Variants in ATP9A observed in about 807,000 individuals in gnomAD.
ATP9A encodes probable phospholipid-transporting ATPase IIA.
A neutral mutation model predicts 144.1 loss-of-function variants in ATP9A; 52 were observed. That is an observed-to-expected ratio of 0.36 (90% CI 0.29 to 0.45). The LOEUF (loss-of-function observed/expected upper bound fraction) is 0.45, where lower values mean the gene tolerates loss of function less well. Ranked by LOEUF, ATP9A falls within the 20% of genes least tolerant of loss-of-function variation. The pLI is 1.00. For missense variants in ATP9A, 947 were observed against 1,392.7 expected, an observed-to-expected ratio of 0.68 and a Z score of 5.09; for synonymous variants, 582 against 557.4, an observed-to-expected ratio of 1.04 and a Z score of -0.62.
intron 5 of ATP9A, among the ~76,000 whole-genome samples, chr20:51,697,196 T>C (rs1448413083): frequency 6.6e-6 from 1 of 152,202 alleles, no homozygotes; most frequent in Non-Finnish European, 1.5e-5. Flanking sequence ...GTAAGCAGGA[T>C]TTCTGGCTAA....
intron 1 of ATP9A, among the ~76,000 whole-genome samples, chr20:51,757,571 C>T (rs992569261): frequency 3.9e-5 from 6 of 152,206 alleles, no homozygotes; most frequent in African/African-American, 1.4e-4. Flanking sequence ...CCTCTTCCAA[C>T]TGTCTTCCCC....
chr20:51,596,781 C>A lies in ATP9A; in HGVS notation c.*4430G>T, dbSNP rs1335380939. ...ATTAAAATAATCCCCCAAGGCAGAA[C>A]GTACACAAGCTTTATTGGGCAACAG... On this transcript the variant is annotated 3_prime_UTR_variant, in exon 28 of 28. Coordinates refer to ENST00000338821, the MANE Select transcript of ATP9A (RefSeq NM_006045.3). The A allele has an allele frequency of 6.6e-6, 1 of 152,148 alleles. No homozygotes were observed. The highest frequency in any genetic ancestry group is 2.4e-5 in the African/African-American group (1 of 41,404). The allele number at this position is 152,148 out of a possible 1,614,324, so 9.4% of individuals were successfully genotyped here.
intron 15 of ATP9A, among the ~76,000 whole-genome samples, chr20:51,637,799 T>TC (rs1189031664): frequency 6.6e-6 from 1 of 151,024 alleles, no homozygotes; most frequent in African/African-American, 2.4e-5. Context: ...CGTGCACCCA[T>TC]CACCTGAGCA....
chr20:51,657,892 T>C (rs1349359533), intron 13 of ATP9A, among the ~76,000 whole-genome samples: 1 of 152,158 alleles, frequency 6.6e-6, no homozygotes, highest in African/African-American at 2.4e-5. Context: ...GTGCTCAAGT[T>C]TTGCCTTGCA....
intron 12 of ATP9A, among the ~76,000 whole-genome samples, chr20:51,670,862 C>T (rs1362887554): frequency 6.6e-6 from 1 of 152,176 alleles, no homozygotes; most frequent in East Asian, 1.9e-4. Flanking sequence ...GGGACAGAAA[C>T]ACTACCTAAC....
chr20:51,619,335 G>A (rs970188124), intron 19 of ATP9A, among the ~76,000 whole-genome samples: 6 of 152,074 alleles, frequency 3.9e-5, no homozygotes, highest in East Asian at 3.9e-4. Context: ...AGGCTGAGGC[G>A]GGCAGATCAC....
At chr20:51,663,424 C>T (rs1053432139) in intron 13 of ATP9A, among the ~76,000 whole-genome samples, 3 of 139,290 alleles carry the variant, frequency 2.2e-5, no homozygotes, top group Non-Finnish European at 4.7e-5. Flanking sequence ...TTCATAAATA[C>T]CAGAAAGTTT....
chr20:51,637,969 T>C (rs2077299967), intron 15 of ATP9A, among the ~76,000 whole-genome samples: 1 of 149,616 alleles, frequency 6.7e-6, no homozygotes, highest in Admixed American at 6.7e-5. Context: ...TGGCTTTCCA[T>C]TCCTGAGTTA....
intron 14 of ATP9A, among the ~76,000 whole-genome samples, chr20:51,653,049 G>A (rs1601083647): frequency 6.6e-6 from 1 of 150,788 alleles, no homozygotes; most frequent in African/African-American, 2.4e-5. Flanking sequence ...GGCAGAGCTT[G>A]CAGTGAGCCG....
chr20:51,618,202 G>A (rs1188173203), intron 21 of ATP9A, among the ~76,000 whole-genome samples: 1 of 150,210 alleles, frequency 6.7e-6, no homozygotes, highest in Non-Finnish European at 1.5e-5. Context: ...CTGGGCAACA[G>A]AGTGTGACTC....
At chr20:51,714,219 G>A (rs927840552) in intron 3 of ATP9A, among the ~76,000 whole-genome samples, 12 of 151,132 alleles carry the variant, frequency 7.9e-5, no homozygotes, top group African/African-American at 2.9e-4. Context: ...GTCTCGCTCT[G>A]TCACCCAGGC....
intron 11 of ATP9A, among the ~76,000 whole-genome samples, chr20:51,673,473 A>C (rs542786585): frequency 6.6e-6 from 1 of 152,328 alleles, no homozygotes; most frequent in South Asian, 2.1e-4. Context: ...CACCTACAGC[A>C]GACACTGCTG....
chr20:51,768,355 G>C lies in ATP9A; in HGVS notation c.15C>G (p.Ile5Met). The C allele has an allele frequency of 2.3e-6, 3 of 1,290,576 alleles. No homozygotes were observed. The highest frequency in any genetic ancestry group is 3.0e-6 in the Non-Finnish European group (3 of 1,008,824). The allele number at this position is 1,290,576 out of a possible 1,614,324, so 79.9% of individuals were successfully genotyped here. A position where few individuals can be genotyped will look rare whatever the true frequency, so the allele number is the denominator to read the frequency against. Reference protein sequence around the residue: MTDNIPLQPVRQKKR... With the variant: MTDNMPLQPVRQKKR... ...TCTTCTGGCGCACCGGCTGCAGCGG[G>C]ATGTTGTCCGTCATGTCGGCGGCGC... Residue 5 changes from isoleucine to methionine, a missense_variant, in exon 1 of 28, where the codon ATC (isoleucine) becomes ATG (methionine). Transcript: ENST00000338821.
At chr20:51,671,288 C>A in intron 11 of ATP9A, 31 bp from the exon 12 acceptor site, 2 of 1,606,942 alleles carry the variant, frequency 1.2e-6, no homozygotes, top group Non-Finnish European at 1.7e-6. Context: ...AACAGGCTAA[C>A]AGGACAGATG....
chr20:51,671,752 C>A (rs1299020543), intron 11 of ATP9A, among the ~76,000 whole-genome samples: 1 of 152,118 alleles, frequency 6.6e-6, no homozygotes, highest in East Asian at 1.9e-4. Context: ...AACCCTAGCC[C>A]TGGCAGCCCC....
At chr20:51,625,066 G>T in intron 18 of ATP9A, 126 bp downstream of exon 18, 1 of 751,742 alleles carries the variant, frequency 1.3e-6, no homozygotes, top group Non-Finnish European at 2.0e-6. Flanking sequence ...GTGGCCCATT[G>T]CAGATAAGGC....
intron 24 of ATP9A, among the ~76,000 whole-genome samples, 186 bp from the exon 25 acceptor site, chr20:51,608,812 G>A (rs2077173816): frequency 6.6e-6 from 1 of 152,172 alleles, no homozygotes; most frequent in Non-Finnish European, 1.5e-5. Flanking sequence ...TGTCTGCCCT[G>A]AAGAGCTTTC....
At position 51,763,679 on chromosome 20, in the gene ATP9A, G is replaced by A. The variant is rs76068663; in HGVS notation, c.68+4623C>T. Among the ~76,000 whole-genome samples the A allele has an allele frequency of 6.1e-3, 921 of 152,228 alleles. 8 individuals carry two copies. Among genetic ancestry groups the A allele is most frequent in the African/African-American group, 0.02 (818 of 41,534 alleles). ...CTTCAATAAAGCTGTTTAAAACATT[G>A]TGGTAGACAACATATCTATTCAGTT... On this transcript the variant is annotated intron_variant, in intron 1 of 27. Coordinates refer to ENST00000338821, the MANE Select transcript of ATP9A (RefSeq NM_006045.3).
chr20:51,747,631 A>C lies in ATP9A; in HGVS notation c.69-17653T>G, dbSNP rs1414577867. ...ACACCTCCTCTGCCCCATGACTGTT[A>C]CCACAGGTGCTTCCAGCAGATGGGC... On this transcript the variant is annotated intron_variant, in intron 1 of 27. Transcript: ENST00000338821. Among the ~76,000 whole-genome samples the C allele has an allele frequency of 2.0e-5, 3 of 152,318 alleles. No individual in the cohort carries two copies. In the East Asian group the frequency reaches 5.8e-4, roughly 29 times the overall value.
Sources: gnomAD v4.1 joint callset for allele counts (sites outside exome capture counted in the v4.1 genomes callset) on GRCh38, gnomAD v4.1.1 for gene constraint, MANE v1.5 for transcripts, NCBI Gene and HGNC (gene_info 2026-07-23, HGNC 2026-07-21) for gene names.